Variants in GAS7 observed in about 807,000 individuals in gnomAD.
GAS7 encodes growth arrest specific 7, also known as growth arrest-specific protein 7.
In GAS7, 28 loss-of-function variants were observed where a neutral mutation model predicts 71.1. The observed-to-expected ratio is 0.39, with a 90% CI of 0.29 to 0.54. The LOEUF is 0.54. Among genes scored for constraint, GAS7 ranks in the 20% least tolerant of loss-of-function variants. GAS7 has a pLI of 0.62. For missense variants in GAS7, 436 were observed against 627.8 expected (o/e 0.69, Z 3.27); for synonymous variants, 258 against 245.8 (o/e 1.05, Z -0.46).
rs2069886646 is a variant in GAS7, at chr17:9,969,859, G to A, written c.386-97C>T. ...AGCCCCTTTTCCCACCTCCTTCCTT[G>A]GCTCTGAGAGGTCTTGCGTGGCGAA... On this transcript the variant is annotated intron_variant, in intron 3 of 13. Transcript: ENST00000432992. This position sits in a 1 kb window ranked among gnomAD's most constrained non-coding sequence, Gnocchi z 5.5. 2 of 774,926 alleles carry A rather than the reference G, an allele frequency of 2.6e-6. No homozygotes were observed. Among genetic ancestry groups the A allele is most frequent in the Non-Finnish European group, 4.6e-6 (2 of 434,386 alleles). The allele number at this position is 774,926 out of a possible 1,614,324, so 48.0% of individuals were successfully genotyped here.
chr17:10,022,287 T>C (rs1466926552), intron 1 of GAS7, among the ~76,000 whole-genome samples: 1 of 152,078 alleles, frequency 6.6e-6, no homozygotes, highest in Non-Finnish European at 1.5e-5. Flanking sequence ...ACTACAGGCA[T>C]GAGTGTTTGA....
intron 1 of GAS7, among the ~76,000 whole-genome samples, chr17:10,054,075 C>T (rs562212624): frequency 4.0e-4 from 61 of 152,258 alleles, no homozygotes; most frequent in Admixed American, 1.2e-3. Flanking sequence ...AAAACAAAGA[C>T]GGTCTGTTCT....
At chr17:10,185,699 G>A (rs563478245) in intron 1 of GAS7, among the ~76,000 whole-genome samples, 2 of 152,156 alleles carry the variant, frequency 1.3e-5, no homozygotes, top group Admixed American at 6.6e-5. Flanking sequence ...GTGGGACTGC[G>A]CTCTCAGCCT....
intron 4 of GAS7, among the ~76,000 whole-genome samples, chr17:9,963,334 T>C (rs1431376298): frequency 6.6e-6 from 1 of 152,098 alleles, no homozygotes; most frequent in Non-Finnish European, 1.5e-5. Flanking sequence ...TCTGCTTGGG[T>C]TGATGAAAAT....
chr17:10,127,992 T>C (rs895468514), intron 1 of GAS7, among the ~76,000 whole-genome samples: 1 of 152,292 alleles, frequency 6.6e-6, no homozygotes, highest in African/African-American at 2.4e-5. Context: ...TCTCAGGCGT[T>C]CAGCTTGGAT....
At chr17:9,942,532 T>C (rs7209684) in intron 7 of GAS7, among the ~76,000 whole-genome samples, 16,018 of 152,222 alleles carry the variant, frequency 0.11, 1,952 homozygotes, top group African/African-American at 0.3. Flanking sequence ...CCAAGCTCTT[T>C]AGACAAAACA....
rs535507660 is a variant in GAS7 at position 9,987,815 on chromosome 17, G to C, written c.305-5931C>G. Among the ~76,000 whole-genome samples, 322 of 152,328 alleles carry C rather than the reference G, an allele frequency of 2.1e-3. 1 individual carries two copies. Among genetic ancestry groups the C allele is most frequent in the African/African-American group, 7.6e-3 (315 of 41,568 alleles). ...TCACTTCCGGGCTTCATTTCCCCTT[G>C]TTAAGGCTGCATCCTGCCTGCATTA... On this transcript the variant is annotated intron_variant, in intron 2 of 13. Transcript: ENST00000432992.
At chr17:9,931,786 A>C (rs1411603391) in intron 9 of GAS7, among the ~76,000 whole-genome samples, 1 of 152,142 alleles carries the variant, frequency 6.6e-6, no homozygotes, top group East Asian at 1.9e-4. Context: ...ATCTTGGGGC[A>C]CACTAAGCCA....
At chr17:10,048,473 T>A (rs913635889) in intron 1 of GAS7, among the ~76,000 whole-genome samples, 1 of 152,258 alleles carries the variant, frequency 6.6e-6, no homozygotes, top group African/African-American at 2.4e-5. Flanking sequence ...GCAGGGATTT[T>A]GTTTTGCTCA....
intron 1 of GAS7, among the ~76,000 whole-genome samples, chr17:10,062,627 C>A: frequency 6.6e-6 from 1 of 152,206 alleles, no homozygotes; most frequent in Non-Finnish European, 1.5e-5. Flanking sequence ...AGAAACCACA[C>A]GAACACAGTG....
At chr17:9,921,851 C>A (rs1040399493) in intron 11 of GAS7, among the ~76,000 whole-genome samples, 2 of 149,838 alleles carry the variant, frequency 1.3e-5, no homozygotes, top group African/African-American at 2.5e-5. Flanking sequence ...CCCAGCTACT[C>A]GGGAGGCTGA....
intron 1 of GAS7, among the ~76,000 whole-genome samples, chr17:10,067,685 T>C (rs1452462234): frequency 6.6e-6 from 1 of 152,168 alleles, no homozygotes; most frequent in African/African-American, 2.4e-5. Context: ...AAGCTAGGAA[T>C]GTCTGCAAAC....
In GAS7 at chr17:10,044,378, T is replaced by C. The variant is rs187288574; in HGVS notation, c.184-24481A>G. On this transcript the variant is annotated intron_variant, in intron 1 of 13. Transcript: ENST00000432992. ...CAACTAGGGGTGGCCATGAAGTTAC[T>C]ACAGTATATACTATGGCTAGTTTTA... is the stretch of plus-strand genomic sequence containing the variant. 2.1e-4 allele frequency among the ~76,000 whole-genome samples: 32 copies of C among 152,350 alleles called. 1 individual carries two copies. The highest frequency in any genetic ancestry group is 6.5e-5 in the Admixed American group (1 of 15,308).
chr17:10,050,283 G>C (rs2073044884), intron 1 of GAS7, among the ~76,000 whole-genome samples: 2 of 152,072 alleles, frequency 1.3e-5, no homozygotes, highest in Non-Finnish European at 2.9e-5. Flanking sequence ...AGTTGGTGGG[G>C]TGGGGGGGCT....
rs530605426 is a variant in GAS7 at position 9,920,236 on chromosome 17, A to G, written c.1139-531T>C. Among the ~76,000 whole-genome samples the G allele has an allele frequency of 3.3e-5, 5 of 152,110 alleles. No individual in the cohort carries two copies. The East Asian group carries it at 9.6e-4, about 29-fold the overall frequency. ...ACACTGCAAGATGTCCTTCTGAAACACAAAAGAACGCATCTGTAGTCACAG... is the reference window on the plus strand; with the variant it reads ...ACACTGCAAGATGTCCTTCTGAAACGCAAAAGAACGCATCTGTAGTCACAG... On this transcript the variant is annotated intron_variant, in intron 11 of 13. Coordinates refer to ENST00000432992, the MANE Select transcript of GAS7 (RefSeq NM_201433.2).
chr17:10,039,758 T>C, intron 1 of GAS7: 1 of 456,236 alleles, frequency 2.2e-6, no homozygotes. Context: ...TCGTCTTGCG[T>C]TCAATCTTGG....
intron 1 of GAS7, among the ~76,000 whole-genome samples, chr17:10,135,634 C>A (rs764944293): frequency 2.6e-5 from 4 of 152,166 alleles, no homozygotes; most frequent in Non-Finnish European, 4.4e-5. Flanking sequence ...TGGGAATAAG[C>A]CAGCAGAGAG....
At chr17:10,037,293 T>C (rs2072771851) in intron 1 of GAS7, among the ~76,000 whole-genome samples, 1 of 152,240 alleles carries the variant, frequency 6.6e-6, no homozygotes, top group Non-Finnish European at 1.5e-5. Flanking sequence ...CTAAATGAGC[T>C]TGGGCAGGGC....
chr17:9,921,217 C>T (rs1470850867), intron 11 of GAS7, among the ~76,000 whole-genome samples: 9 of 146,186 alleles, frequency 6.2e-5, no homozygotes, highest in African/African-American at 1.5e-4. Context: ...AGTGCAGTGG[C>T]GCAATCTCGG....
Sources: gnomAD v4.1 joint callset for allele counts (sites outside exome capture counted in the v4.1 genomes callset) on GRCh38, gnomAD v4.1.1 for gene constraint, Gnocchi (gnomAD v3.1) non-coding constraint, MANE v1.5 for transcripts, NCBI Gene and HGNC (gene_info 2026-07-23, HGNC 2026-07-21) for gene names.